Variants in NRG1 observed in about 807,000 individuals in gnomAD.
NRG1 encodes neuregulin 1, also known as pro-neuregulin-1, membrane-bound isoform.
NRG1 carries 18 observed loss-of-function variants against 63.8 expected under a neutral mutation model. The ratio of observed to expected loss-of-function variants is 0.28; its 90% CI spans 0.19 to 0.42. The LOEUF (loss-of-function observed/expected upper bound fraction) is 0.42, where lower values mean the gene tolerates loss of function less well. Ranked by LOEUF, NRG1 falls within the 10% of genes least tolerant of loss-of-function variation. The probability of loss-of-function intolerance (pLI) is 1.00; values close to 1 mark genes in which losing one functional copy is unlikely to be tolerated. For missense variants in NRG1, 762 were observed against 814.7 expected, an observed-to-expected ratio of 0.94 and a Z score of 0.79; for synonymous variants, 302 against 301.3, an observed-to-expected ratio of 1.00 and a Z score of -0.02.
At chr8:32,134,235 C>T (rs2062077) in intron 1 of NRG1, among the ~76,000 whole-genome samples, 1 of 152,058 alleles carries the variant, frequency 6.6e-6, no homozygotes, top group South Asian at 2.1e-4. Flanking sequence ...AGCAAAGTCA[C>T]GCCTATACAT....
At chr8:32,091,075 C>G (rs182097639) in intron 1 of NRG1, among the ~76,000 whole-genome samples, 59 of 152,116 alleles carry the variant, frequency 3.9e-4, no homozygotes, top group African/African-American at 1.4e-3. Flanking sequence ...GTCAGGAGAT[C>G]GAGACCATCC....
chr8:32,593,062 T>C (rs1321733313), intron 1 of NRG1, among the ~76,000 whole-genome samples: 2 of 152,256 alleles, frequency 1.3e-5, no homozygotes, highest in East Asian at 3.9e-4. Context: ...ATTATAAAGG[T>C]CTTCATCCTT....
intron 5 of NRG1, chr8:32,647,938 A>G (rs1854018316): frequency 6.2e-7 from 1 of 1,614,048 alleles, no homozygotes; most frequent in African/African-American, 1.3e-5. Context: ...CTCAACTCAG[A>G]GAAAATCTGC....
chr8:32,410,578 C>A (rs1814773730), intron 1 of NRG1, among the ~76,000 whole-genome samples: 1 of 152,138 alleles, frequency 6.6e-6, no homozygotes, highest in Admixed American at 6.5e-5. Flanking sequence ...ATGATTCTTG[C>A]CCACTGAATT....
At chr8:32,520,165 T>C (rs1830194880) in intron 1 of NRG1, among the ~76,000 whole-genome samples, 2 of 152,152 alleles carry the variant, frequency 1.3e-5, no homozygotes, top group Non-Finnish European at 2.9e-5. Flanking sequence ...TGTTTTCTTC[T>C]GTTGTTTGTT....
At chr8:32,350,518 G>A (rs995765966) in intron 1 of NRG1, among the ~76,000 whole-genome samples, 2 of 152,106 alleles carry the variant, frequency 1.3e-5, no homozygotes, top group East Asian at 1.9e-4. Context: ...TAACAAAGAC[G>A]TGGAATTTCT....
chr8:32,449,166 G>C (rs1270338047), intron 1 of NRG1, among the ~76,000 whole-genome samples: 2 of 152,012 alleles, frequency 1.3e-5, no homozygotes, highest in Non-Finnish European at 2.9e-5. Flanking sequence ...GCATGGTGGT[G>C]CATGCCTGCA....
intron 1 of NRG1, among the ~76,000 whole-genome samples, chr8:32,479,191 C>T (rs899255943): frequency 6.6e-6 from 1 of 152,112 alleles, no homozygotes; most frequent in Non-Finnish European, 1.5e-5. Flanking sequence ...ATTCATTAAA[C>T]TGGGCCAGAT....
At chr8:32,701,076 G>A (rs1814743768) in intron 5 of NRG1, among the ~76,000 whole-genome samples, 1 of 152,130 alleles carries the variant, frequency 6.6e-6, no homozygotes, top group South Asian at 2.1e-4. Context: ...TCCCCTAGAA[G>A]CCTTTTGGAA....
intron 1 of NRG1, among the ~76,000 whole-genome samples, chr8:32,288,861 T>C (rs570421200): frequency 5.9e-5 from 9 of 152,298 alleles, no homozygotes; most frequent in African/African-American, 1.9e-4. Flanking sequence ...TCTTTAGCTT[T>C]TGTTGATTTT....
intron 1 of NRG1, among the ~76,000 whole-genome samples, chr8:32,042,961 A>AGTGTGTGTGTGTGTGT (rs111850977): frequency 0.37 from 51,624 of 139,734 alleles, 11,365 homozygotes; most frequent in Admixed American, 0.48. Context: ...GAAAGAGTGC[A>AGTGTGTGTGTGTGTGT]GTGTGTGTGT....
At position 32,647,653 on chromosome 8, in the gene NRG1, T is replaced by G. The variant is rs192678616; in HGVS notation, c.502+30768T>G. 3 of 1,497,858 alleles carry G rather than the reference T, an allele frequency of 2.0e-6. No individual in the cohort carries two copies. The Admixed American group carries it at 6.8e-5, about 34-fold the overall frequency. 92.8% of individuals were successfully genotyped at this position (1,497,858 alleles called of 1,614,324 possible). On this transcript the variant is annotated intron_variant, in intron 5 of 11. Transcript: ENST00000356819. ...CCCTGTAAGATGCTGTATCATTTGG[T>G]TGGGGGGGCCTCTGCGTGGTAATGG...
At chr8:32,088,839 T>C (rs1563772431) in intron 1 of NRG1, among the ~76,000 whole-genome samples, 1 of 152,030 alleles carries the variant, frequency 6.6e-6, no homozygotes, top group Non-Finnish European at 1.5e-5. Context: ...GTTTAGCCTC[T>C]CAGTCCTCTA....
chr8:32,012,302 A>T (rs768745758), intron 1 of NRG1, among the ~76,000 whole-genome samples: 3 of 152,114 alleles, frequency 2.0e-5, no homozygotes, highest in Admixed American at 6.6e-5. Flanking sequence ...CAGGACATGC[A>T]TGACAGTTAA....
intron 1 of NRG1, among the ~76,000 whole-genome samples, chr8:32,010,963 A>G (rs901279008): frequency 9.2e-5 from 14 of 152,196 alleles, no homozygotes; most frequent in Non-Finnish European, 1.3e-4. Context: ...CCCTTATTCA[A>G]TTAGATTTTT....
intron 1 of NRG1, among the ~76,000 whole-genome samples, chr8:32,133,780 TA>T (rs1227373361): frequency 6.6e-6 from 1 of 152,118 alleles, no homozygotes; most frequent in African/African-American, 2.4e-5. Flanking sequence ...AGCAGGCTAT[TA>T]AAAGTTTTTC....
At chr8:32,529,520 CTTACT>C (rs1183601572) in intron 1 of NRG1, among the ~76,000 whole-genome samples, 1 of 152,166 alleles carries the variant, frequency 6.6e-6, no homozygotes, top group Non-Finnish European at 1.5e-5. Context: ...TTTTGTTATA[CTTACT>C]TTAAAACACA....
intron 1 of NRG1, among the ~76,000 whole-genome samples, chr8:31,667,438 C>T (rs1474516723): frequency 6.6e-6 from 1 of 152,166 alleles, no homozygotes; most frequent in East Asian, 1.9e-4. Flanking sequence ...TCAGTGGTTG[C>T]AGTCTGATCA....
At chr8:31,766,599 T>G (rs940836633) in intron 1 of NRG1, among the ~76,000 whole-genome samples, 1 of 152,182 alleles carries the variant, frequency 6.6e-6, no homozygotes, top group Non-Finnish European at 1.5e-5. Context: ...ATAATAGTGA[T>G]ACATCCCAGA....
Sources: allele counts gnomAD v4.1 joint callset (sites outside exome capture counted in the v4.1 genomes callset), GRCh38; gene constraint gnomAD v4.1.1; transcripts MANE v1.5; gene names NCBI Gene and HGNC (gene_info 2026-07-23, HGNC 2026-07-21).